Variants in LYSMD2 observed in about 807,000 individuals in gnomAD.
LYSMD2 encodes LysM domain containing 2.
In LYSMD2, 6 loss-of-function variants were observed where a neutral mutation model predicts 17.7. That is an observed-to-expected ratio of 0.34 (90% confidence interval 0.19 to 0.67). The LOEUF is 0.67. LYSMD2 is among the 30% of genes least tolerant of loss of function. The probability of loss-of-function intolerance (pLI) is 0.69; values close to 1 mark genes in which losing one functional copy is unlikely to be tolerated. For missense variants in LYSMD2, 237 were observed against 286.7 expected (o/e 0.83, Z 1.25); for synonymous variants, 102 against 129.8 (o/e 0.79, Z 1.45).
chr15:51,727,211 TC>T (rs2055545760), intron 1 of LYSMD2, among the ~76,000 whole-genome samples: 1 of 152,208 alleles, frequency 6.6e-6, no homozygotes, highest in African/African-American at 2.4e-5. Flanking sequence ...CCTCCACTCT[TC>T]TTGGGCTTAT....
chr15:51,739,956 C>CTTTG (rs546254629), upstream of LYSMD2, among the ~76,000 whole-genome samples: 226 of 151,664 alleles, frequency 1.5e-3, 1 homozygote, highest in African/African-American at 5.1e-3. Context: ...TTGGGGTTTT[C>CTTTG]TTTGTTTGTT....
intron 1 of LYSMD2, among the ~76,000 whole-genome samples, chr15:51,728,954 A>G (rs532479516): frequency 3.9e-5 from 6 of 152,372 alleles, no homozygotes. Flanking sequence ...GAATACCATA[A>G]TATATCATCA....
At chr15:51,745,944 G>C (rs1332753589) in intron 1 of LYSMD2, among the ~76,000 whole-genome samples, 1 of 152,128 alleles carries the variant, frequency 6.6e-6, no homozygotes, top group Non-Finnish European at 1.5e-5. Flanking sequence ...ATTTTAAAAA[G>C]ACATTAACGA....
At chr15:51,746,388 A>G (rs754475468) in intron 1 of LYSMD2, among the ~76,000 whole-genome samples, 3 of 152,248 alleles carry the variant, frequency 2.0e-5, no homozygotes, top group Non-Finnish European at 4.4e-5. Context: ...TACGTGAAAT[A>G]TCCAGAATAA....
At position 51,725,042 on chromosome 15, in the gene LYSMD2, A is replaced by G. The variant is rs774493337; in HGVS notation, c.353T>C (p.Ile118Thr). 6.8e-6 allele frequency: 11 copies of G among 1,613,544 alleles called. No individual in the cohort carries two copies. In the Admixed American group the frequency reaches 1.0e-4, roughly 15 times the overall value. The change falls in exon 2 of 3, where the codon ATA becomes ACA. Residue 118 changes from isoleucine to threonine, a missense_variant. Coordinates refer to ENST00000267838, the MANE Select transcript of LYSMD2 (RefSeq NM_153374.3). ...ATTAAACAACAAAGGCTTCTCTGAT[A>G]TAACTGGGATGTTCAAAGTTTTCTT... The part of the protein sequence containing the change: ...FLKKTLNIPV[I>T]SEKPLLFNGL...
At chr15:51,749,670 A>G (rs1488643683) in intron 1 of LYSMD2, among the ~76,000 whole-genome samples, 5 of 152,242 alleles carry the variant, frequency 3.3e-5, no homozygotes, top group African/African-American at 1.2e-4. Flanking sequence ...TTTTCAGCAT[A>G]TGCCTACTAT....
chr15:51,737,646 C>T lies in LYSMD2; in HGVS notation c.-24G>A. 1 of 1,203,854 alleles carries T rather than the reference C, an allele frequency of 8.3e-7. No homozygotes were observed. The highest frequency in any genetic ancestry group is 1.0e-6 in the Non-Finnish European group (1 of 970,144). The allele number at this position is 1,203,854 out of a possible 1,614,324, so 74.6% of individuals were successfully genotyped here. A position where few individuals can be genotyped will look rare whatever the true frequency, so the allele number is the denominator to read the frequency against. ...ATGGGTCCTGCCGAGGCCGCCGGGT[C>T]GGGGAGCTTGCCAAGGGGGCGGCGC... On this transcript the variant is annotated 5_prime_UTR_variant, in exon 1 of 3. Coordinates refer to ENST00000267838, the MANE Select transcript of LYSMD2 (RefSeq NM_153374.3). This position sits in a 1 kb window ranked among gnomAD's most constrained non-coding sequence, Gnocchi z 4.2.
intron 1 of LYSMD2, among the ~76,000 whole-genome samples, chr15:51,730,979 A>C (rs564068459): frequency 6.6e-6 from 1 of 152,330 alleles, no homozygotes; most frequent in East Asian, 1.9e-4. Context: ...TCTTCCCCAC[A>C]CTGTCAGAAA....
chr15:51,725,195 A>G, intron 1 of LYSMD2, 74 bp from the exon 2 acceptor site: 1 of 923,464 alleles, frequency 1.1e-6, no homozygotes. Flanking sequence ...ACAATACAGA[A>G]CTACCAATAT....
At chr15:51,749,877 A>G (rs1354725425) in intron 1 of LYSMD2, among the ~76,000 whole-genome samples, 2 of 152,234 alleles carry the variant, frequency 1.3e-5, no homozygotes, top group Non-Finnish European at 1.5e-5. Context: ...CCCCCATTTC[A>G]TTTAACTCTT....
intron 1 of LYSMD2, among the ~76,000 whole-genome samples, chr15:51,729,107 T>C (rs759025630): frequency 2.0e-5 from 3 of 152,198 alleles, no homozygotes; most frequent in Non-Finnish European, 4.4e-5. Context: ...AAATCAGACA[T>C]GCAAAGCGCC....
chr15:51,749,269 C>T (rs1317413320), intron 1 of LYSMD2, among the ~76,000 whole-genome samples: 1 of 152,160 alleles, frequency 6.6e-6, no homozygotes, highest in Non-Finnish European at 1.5e-5. Context: ...AATATCTTTC[C>T]ATTAAGTTTT....
intron 1 of LYSMD2, among the ~76,000 whole-genome samples, chr15:51,730,732 A>T (rs1270740934): frequency 2.0e-5 from 3 of 152,206 alleles, no homozygotes; most frequent in African/African-American, 7.2e-5. Context: ...ATATAAGCTC[A>T]TCCAAAAATG....
chr15:51,724,902 C>T lies in LYSMD2; in HGVS notation c.493G>A (p.Asp165Asn), dbSNP rs955573345. The change falls in exon 2 of 3, where the codon GAT (aspartate) becomes AAT (asparagine). Residue 165 changes from aspartate (D) to asparagine (N), a missense_variant. Asp to Asn is a conservative substitution (Grantham distance 23). Transcript: ENST00000267838. ...TCCTCAGGCTGCACAGGCTGAACAT[C>T]AGATTCTTGAGGACTGGGAGGAGGG... ...DLPPPSPQES[D>N]VQPVQPEEVS... is the part of the protein sequence containing the mutation. 2.5e-6 allele frequency: 4 copies of T among 1,614,094 alleles called. No individual in the cohort carries two copies. The highest frequency in any genetic ancestry group is 1.7e-5 in the Admixed American group (1 of 60,014).
intron 1 of LYSMD2, among the ~76,000 whole-genome samples, chr15:51,732,476 T>C (rs1034757538): frequency 6.6e-6 from 1 of 152,208 alleles, no homozygotes; most frequent in Non-Finnish European, 1.5e-5. Context: ...AGCCCCAGCA[T>C]CTAGCCCAAG....
chr15:51,734,614 T>C (rs1449688184), intron 1 of LYSMD2, among the ~76,000 whole-genome samples: 1 of 152,216 alleles, frequency 6.6e-6, no homozygotes, highest in Admixed American at 6.5e-5. Context: ...TCTGCTCATC[T>C]GTGCAAGATT....
chr15:51,745,929 C>T (rs945048628), intron 1 of LYSMD2, among the ~76,000 whole-genome samples: 1 of 152,046 alleles, frequency 6.6e-6, no homozygotes, highest in East Asian at 1.9e-4. Context: ...ACTAGGATGG[C>T]TATAATTTTA....
Position 51,725,026 on chromosome 15 carries a change from C to T in LYSMD2, c.369G>A (p.Leu123=). ...CAATGGAGTTAAGTCCATTAAACAA[C>T]AAAGGCTTCTCTGATATAACTGGGA... ...LNIPVISEKP[L]LFNGLNSIDS... Residue 123 remains leucine (L), a synonymous_variant, in exon 2 of 3, where the codon TTG becomes TTA. Transcript: ENST00000267838. 6.2e-7 allele frequency: 1 copy of T among 1,613,940 alleles called. No homozygotes were observed. Among genetic ancestry groups the T allele is most frequent in the Non-Finnish European group, 8.5e-7 (1 of 1,179,800 alleles).
chr15:51,748,168 G>T (rs142508601), intron 1 of LYSMD2, among the ~76,000 whole-genome samples: 4,682 of 150,188 alleles, frequency 0.031, 112 homozygotes, highest in Non-Finnish European at 0.05. Context: ...TACTCAGGAG[G>T]CTGAGGCAGG....
Sources: gnomAD v4.1 joint callset for allele counts (sites outside exome capture counted in the v4.1 genomes callset) on GRCh38, gnomAD v4.1.1 for gene constraint, Gnocchi (gnomAD v3.1) non-coding constraint, MANE v1.5 for transcripts, NCBI Gene and HGNC (gene_info 2026-07-23, HGNC 2026-07-21) for gene names.